The following KAT6B variants were observed in gnomAD, a reference collection of about 807,000 sequenced individuals.
The protein encoded by KAT6B is lysine acetyltransferase 6B.
KAT6B carries 10 observed loss-of-function variants against 187.5 expected under a neutral mutation model. The observed-to-expected ratio is 0.05, with a 90% confidence interval of 0.03 to 0.09. The LOEUF is 0.09. Ranked by LOEUF, KAT6B falls within the 10% of genes least tolerant of loss-of-function variation. The probability of loss-of-function intolerance (pLI) is 1.00; values close to 1 mark genes in which losing one functional copy is unlikely to be tolerated. For synonymous variants in KAT6B, 861 were observed against 926.8 expected (o/e 0.93, Z 1.29); for missense variants, 1,952 against 2,558.9 (o/e 0.76, Z 5.12).
intron 3 of KAT6B, among the ~76,000 whole-genome samples, chr10:74,867,831 C>A (rs187219692): frequency 9.5e-4 from 145 of 152,296 alleles, no homozygotes; most frequent in Middle Eastern, 3.4e-3. Flanking sequence ...AAAGGGTGGT[C>A]AGTCTAATCC....
chr10:75,022,235 G>A lies in KAT6B; in HGVS notation c.3372+4G>A, dbSNP rs757202017. On this transcript the variant is annotated splice_donor_region_variant and intron_variant, in intron 16 of 17. Transcript: ENST00000287239. ...GTCAGTTGCCATAAAGAGAAAGGTA[G>A]GTGTCTGTTTAGATTTTCTGTGAGT... 6.2e-7 allele frequency: 1 copy of A among 1,613,080 alleles called. No individual in the cohort carries two copies. Among genetic ancestry groups the A allele is most frequent in the Non-Finnish European group, 8.5e-7 (1 of 1,179,998 alleles).
At chr10:74,990,196 CAAAAAAAAAAAAAAAA>C (rs56300641) in intron 13 of KAT6B, among the ~76,000 whole-genome samples, 49 of 39,424 alleles carry the variant, frequency 1.2e-3, no homozygotes, top group East Asian at 8.6e-3. Context: ...GACTCTGTCT[CAAAAAAAAAAAAAAAA>C]AAAAAAAAAA....
intron 3 of KAT6B, among the ~76,000 whole-genome samples, chr10:74,853,193 C>T (rs951096684): frequency 2.0e-5 from 3 of 149,760 alleles, no homozygotes; most frequent in African/African-American, 7.4e-5. Flanking sequence ...TGGCTCACTG[C>T]AGCCTCGACC....
chr10:74,992,391 C>T (rs1589768678), intron 13 of KAT6B, among the ~76,000 whole-genome samples: 1 of 152,312 alleles, frequency 6.6e-6, no homozygotes, highest in East Asian at 1.9e-4. Context: ...ATTTAATACA[C>T]CTAATCTACC....
intron 3 of KAT6B, among the ~76,000 whole-genome samples, chr10:74,848,066 G>A (rs1842232238): frequency 1.3e-5 from 2 of 151,816 alleles, no homozygotes; most frequent in Admixed American, 6.6e-5. Flanking sequence ...TTACAGGCGT[G>A]CGCCACCATG....
intron 4 of KAT6B, among the ~76,000 whole-genome samples, chr10:74,963,970 GAAA>G (rs201724468): frequency 6.9e-6 from 1 of 145,038 alleles, no homozygotes; most frequent in African/African-American, 2.5e-5. Context: ...CTAAAAAAAG[GAAA>G]AAAAAAAAAT....
chr10:75,018,642 C>T (rs1845166000), intron 13 of KAT6B, among the ~76,000 whole-genome samples: 1 of 152,078 alleles, frequency 6.6e-6, no homozygotes, highest in Non-Finnish European at 1.5e-5. Context: ...GCTGGCCCAT[C>T]ATAGTGGGGG....
chr10:74,932,664 A>T (rs1323261806), intron 3 of KAT6B, among the ~76,000 whole-genome samples: 3 of 152,226 alleles, frequency 2.0e-5, no homozygotes, highest in Non-Finnish European at 4.4e-5. Flanking sequence ...GCATGGTATC[A>T]TCTGCTACCC....
intron 9 of KAT6B, 36 bp downstream of exon 9, chr10:74,977,473 A>G (rs757389334): frequency 1.2e-6 from 2 of 1,611,002 alleles, no homozygotes; most frequent in South Asian, 1.1e-5. Context: ...TAGCAAGTAT[A>G]AGATGTGGCT....
intron 3 of KAT6B, among the ~76,000 whole-genome samples, chr10:74,888,786 C>T (rs978339708): frequency 6.6e-6 from 1 of 152,084 alleles, no homozygotes; most frequent in Non-Finnish European, 1.5e-5. Flanking sequence ...ATTAAATGTA[C>T]AGTGGTACAG....
chr10:75,032,179 C>T lies in KAT6B; in HGVS notation c.*1133C>T, dbSNP rs182072551. 25 of 194,098 alleles carry T rather than the reference C, an allele frequency of 1.3e-4. No individual in the cohort carries two copies. Among genetic ancestry groups the T allele is most frequent in the East Asian group, 9.0e-4 (11 of 12,200 alleles). 12.0% of individuals were successfully genotyped at this position (194,098 alleles called of 1,614,324 possible). On this transcript the variant is annotated 3_prime_UTR_variant, in exon 18 of 18. Transcript: ENST00000287239. ...AATCCTTGTATAAAATAGGATCCAGCGACACTCTTGTATTTATCTGTTCTC... is the reference window on the plus strand; with the variant it reads ...AATCCTTGTATAAAATAGGATCCAGTGACACTCTTGTATTTATCTGTTCTC...
intron 3 of KAT6B, among the ~76,000 whole-genome samples, chr10:74,946,424 A>G (rs565592139): frequency 6.6e-6 from 1 of 152,350 alleles, no homozygotes; most frequent in East Asian, 1.9e-4. Flanking sequence ...GAAAGCACAT[A>G]TTCTAAAAAA....
chr10:74,874,434 C>A (rs1844245798), intron 3 of KAT6B, among the ~76,000 whole-genome samples: 1 of 152,100 alleles, frequency 6.6e-6, no homozygotes, highest in South Asian at 2.1e-4. Context: ...GGCTGGAGTG[C>A]AGTGGCGCAA....
chr10:74,966,314 G>A (rs1277472283), intron 4 of KAT6B, among the ~76,000 whole-genome samples: 3 of 152,164 alleles, frequency 2.0e-5, no homozygotes, highest in Non-Finnish European at 4.4e-5. Context: ...AGATAATCCA[G>A]GATAAACTCC....
intron 3 of KAT6B, among the ~76,000 whole-genome samples, chr10:74,865,839 T>G (rs1199122413): frequency 6.6e-6 from 1 of 152,222 alleles, no homozygotes; most frequent in Non-Finnish European, 1.5e-5. Context: ...TCTTAATACT[T>G]GCTTTCACAT....
At chr10:75,025,273 C>G (rs1325769273) in intron 17 of KAT6B, 24 bp downstream of exon 17, 6 of 1,612,188 alleles carry the variant, frequency 3.7e-6, no homozygotes, top group Non-Finnish European at 5.1e-6. Context: ...TGATAAAAAC[C>G]TTACCCTTGA....
chr10:75,021,054 T>C, intron 14 of KAT6B, 72 bp from the exon 15 acceptor site: 1 of 1,414,866 alleles, frequency 7.1e-7, no homozygotes, highest in Non-Finnish European at 1.0e-6. Flanking sequence ...AGTGCTAGCA[T>C]ATGTCCGTAT....
At chr10:74,840,320 A>G (rs932622320) in intron 2 of KAT6B, among the ~76,000 whole-genome samples, 2 of 152,224 alleles carry the variant, frequency 1.3e-5, no homozygotes, top group Non-Finnish European at 2.9e-5. Context: ...AAACTGGGAT[A>G]TGAGTGGTCT....
At chr10:74,849,710 C>A (rs1239942416) in intron 3 of KAT6B, among the ~76,000 whole-genome samples, 1 of 152,186 alleles carries the variant, frequency 6.6e-6, no homozygotes, top group East Asian at 1.9e-4. Context: ...GTGTTAAATG[C>A]TGGCACTATT....
Sources: allele counts gnomAD v4.1 joint callset (sites outside exome capture counted in the v4.1 genomes callset), GRCh38; gene constraint gnomAD v4.1.1; transcripts MANE v1.5; gene names NCBI Gene and HGNC (gene_info 2026-07-23, HGNC 2026-07-21).